Variants in FOXP1 observed in about 807,000 individuals in gnomAD.
FOXP1 encodes forkhead box protein P1.
Under a neutral mutation model 98.2 loss-of-function variants are expected in FOXP1, and 15 were observed. That is an observed-to-expected ratio of 0.15 (90% confidence interval 0.10 to 0.24). FOXP1 has a LOEUF of 0.24. Ranked by LOEUF, FOXP1 falls within the 10% of genes least tolerant of loss-of-function variation. The probability of loss-of-function intolerance (pLI) is 1.00; values close to 1 mark genes in which losing one functional copy is unlikely to be tolerated. For missense variants in FOXP1, 633 were observed against 848.5 expected (o/e 0.75, Z 3.15); for synonymous variants, 371 against 314.5 (o/e 1.18, Z -1.90).
chr3:71,525,911 T>C (rs2043341817), intron 2 of FOXP1, among the ~76,000 whole-genome samples: 1 of 151,626 alleles, frequency 6.6e-6, no homozygotes, highest in African/African-American at 2.4e-5. Context: ...ACGTCAGGAG[T>C]TCGAGACCAG....
intron 3 of FOXP1, among the ~76,000 whole-genome samples, chr3:71,447,799 A>C (rs1390446196): frequency 6.6e-6 from 1 of 152,154 alleles, no homozygotes; most frequent in African/African-American, 2.4e-5. Flanking sequence ...AGGGGTTTGG[A>C]TATCATGTCT....
At chr3:71,426,616 A>G (rs1034113966) in intron 3 of FOXP1, among the ~76,000 whole-genome samples, 3 of 152,162 alleles carry the variant, frequency 2.0e-5, no homozygotes, top group African/African-American at 4.8e-5. Flanking sequence ...CCTTCCACAC[A>G]CGCTCATCCC....
intron 5 of FOXP1, among the ~76,000 whole-genome samples, chr3:71,235,765 A>T (rs186296101): frequency 1.2e-4 from 19 of 152,162 alleles, no homozygotes; most frequent in Admixed American, 1.2e-3. Flanking sequence ...ATGGGGTTTC[A>T]CCGTGTTAGC....
chr3:70,998,735 G>T (rs2041727296), intron 13 of FOXP1, among the ~76,000 whole-genome samples: 1 of 152,162 alleles, frequency 6.6e-6, no homozygotes, highest in African/African-American at 2.4e-5. Flanking sequence ...AAGAATCCTT[G>T]TATGTTTGTA....
intron 7 of FOXP1, among the ~76,000 whole-genome samples, chr3:71,066,513 C>T (rs1021348952): frequency 6.6e-6 from 1 of 152,130 alleles, no homozygotes. Flanking sequence ...CCAGAAAGTC[C>T]CCCGACTATC....
At chr3:71,109,873 C>T (rs2057767836) in intron 7 of FOXP1, among the ~76,000 whole-genome samples, 1 of 152,100 alleles carries the variant, frequency 6.6e-6, no homozygotes, top group Non-Finnish European at 1.5e-5. Flanking sequence ...GTCCACCAAC[C>T]TTTTAGATTT....
At chr3:71,252,257 G>GCTTC (rs997710165) in intron 5 of FOXP1, among the ~76,000 whole-genome samples, 20 of 152,140 alleles carry the variant, frequency 1.3e-4, no homozygotes, top group African/African-American at 4.6e-4. Context: ...GAATCAAAGA[G>GCTTC]CTTCCCTAAC....
chr3:71,253,538 A>G (rs967273053), intron 5 of FOXP1, among the ~76,000 whole-genome samples: 5 of 152,204 alleles, frequency 3.3e-5, no homozygotes, highest in Admixed American at 1.3e-4. Flanking sequence ...ATAAAGTGCA[A>G]TATTACTATG....
chr3:71,480,336 G>C (rs1043384409), intron 3 of FOXP1, among the ~76,000 whole-genome samples: 1 of 152,124 alleles, frequency 6.6e-6, no homozygotes, highest in African/African-American at 2.4e-5. Context: ...ACTAGAACTG[G>C]AATTACCACC....
intron 7 of FOXP1, 103 bp from the exon 8 acceptor site, chr3:71,053,876 A>G: frequency 8.3e-7 from 1 of 1,204,030 alleles, no homozygotes; most frequent in Non-Finnish European, 1.2e-6. Flanking sequence ...AGAGTTGACC[A>G]ATTTCCCATG....
At chr3:71,385,321 T>C (rs1451091632) in intron 3 of FOXP1, among the ~76,000 whole-genome samples, 2 of 152,190 alleles carry the variant, frequency 1.3e-5, no homozygotes, top group Non-Finnish European at 2.9e-5. Flanking sequence ...ACCTAACATT[T>C]ACTAGAGCAT....
intron 6 of FOXP1, among the ~76,000 whole-genome samples, chr3:71,175,169 C>T (rs2061871549): frequency 6.6e-6 from 1 of 152,206 alleles, no homozygotes; most frequent in African/African-American, 2.4e-5. Context: ...GCCTTGGCCT[C>T]CCAAAGTGCT....
intron 14 of FOXP1, among the ~76,000 whole-genome samples, chr3:70,979,316 A>AAAAAGAAAAAAAAAAG (rs1559626264): frequency 1.1e-4 from 11 of 96,508 alleles, no homozygotes; most frequent in Admixed American, 3.3e-4. Flanking sequence ...AAAAAAAAAA[A>AAAAAGAAAAAAAAAAG]AAAAGAAAAA....
intron 3 of FOXP1, among the ~76,000 whole-genome samples, chr3:71,418,116 GGTGTGTGTGTGTGTGTGT>G: frequency 6.8e-6 from 1 of 147,474 alleles, no homozygotes; most frequent in African/African-American, 2.5e-5. Context: ...TGTGCTTGTG[GGTGTGTGTGTGTGTGTGT>G]GTGTGTGTGT....
At chr3:71,461,570 A>C (rs1461342638) in intron 3 of FOXP1, among the ~76,000 whole-genome samples, 6 of 152,128 alleles carry the variant, frequency 3.9e-5, no homozygotes, top group Admixed American at 3.9e-4. Context: ...TGGGAGGCCG[A>C]AGCGGGTGGA....
chr3:71,365,853 T>C (rs936222324), intron 3 of FOXP1, among the ~76,000 whole-genome samples: 37 of 152,172 alleles, frequency 2.4e-4, no homozygotes, highest in Non-Finnish European at 4.9e-4. Context: ...CGTGGTGGCG[T>C]GTGCCTCTAG....
intron 2 of FOXP1, among the ~76,000 whole-genome samples, chr3:71,494,747 T>G (rs906089877): frequency 1.3e-5 from 2 of 152,024 alleles, no homozygotes; most frequent in Non-Finnish European, 2.9e-5. Flanking sequence ...GGGCCTGAGA[T>G]TCTGCATTTC....
intron 4 of FOXP1, among the ~76,000 whole-genome samples, chr3:71,353,997 A>AT (rs1274428814): frequency 6.6e-6 from 1 of 152,076 alleles, no homozygotes; most frequent in Admixed American, 6.6e-5. Flanking sequence ...CATCAAGTAT[A>AT]TTTTTTTAAA....
intron 6 of FOXP1, chr3:71,197,794 T>C (rs2063383379): frequency 7.8e-7 from 1 of 1,285,600 alleles, no homozygotes; most frequent in African/African-American, 1.5e-5. Flanking sequence ...TTTTCTCTCT[T>C]TTATTCCTTA....
Sources: allele counts gnomAD v4.1 joint callset (sites outside exome capture counted in the v4.1 genomes callset), GRCh38; gene constraint gnomAD v4.1.1; transcripts MANE v1.5; gene names NCBI Gene and HGNC (gene_info 2026-07-23, HGNC 2026-07-21).